Variants in CSMD2 observed in about 807,000 individuals in gnomAD.
CSMD2 encodes the protein CUB and Sushi multiple domains 2.
In CSMD2, 130 loss-of-function variants were observed where a neutral mutation model predicts 398.5. That is an observed-to-expected ratio of 0.33 (90% CI 0.28 to 0.38). CSMD2 has a LOEUF of 0.38. Ranked by LOEUF, CSMD2 falls within the 10% of genes least tolerant of loss-of-function variation. The pLI is 1.00. For synonymous variants in CSMD2, 1,828 were observed against 1,908.5 expected (o/e 0.96, Z 1.10); for missense variants, 3,829 against 4,764.9 (o/e 0.80, Z 5.78).
At chr1:33,606,582 G>C (rs1640627260) in intron 41 of CSMD2, among the ~76,000 whole-genome samples, 1 of 152,234 alleles carries the variant, frequency 6.6e-6, no homozygotes, top group African/African-American at 2.4e-5. Context: ...TGCAGCACGG[G>C]GGTTTGGGCC....
chr1:34,054,947 C>T (rs774362069), intron 2 of CSMD2, among the ~76,000 whole-genome samples: 1 of 151,978 alleles, frequency 6.6e-6, no homozygotes, highest in African/African-American at 2.4e-5. Flanking sequence ...AAGTCATTTT[C>T]AAAAATAAGA....
intron 5 of CSMD2, among the ~76,000 whole-genome samples, chr1:33,888,919 C>T (rs1301267924): frequency 6.6e-6 from 1 of 152,132 alleles, no homozygotes; most frequent in African/African-American, 2.4e-5. Flanking sequence ...AGGCGCCCGC[C>T]ACCACGCCCG....
chr1:33,608,396 A>G (rs919489135), intron 41 of CSMD2, among the ~76,000 whole-genome samples: 1 of 152,162 alleles, frequency 6.6e-6, no homozygotes, highest in African/African-American at 2.4e-5. Context: ...CAATGGTGGC[A>G]CTGCCATTCC....
At chr1:34,076,443 T>C (rs1656339528) in intron 2 of CSMD2, among the ~76,000 whole-genome samples, 1 of 152,210 alleles carries the variant, frequency 6.6e-6, no homozygotes, top group South Asian at 2.1e-4. Context: ...GTGCTGTGCA[T>C]TGTGGGATGA....
rs942975943 is a variant in CSMD2 at position 33,698,738 on chromosome 1, G to C, written c.3925+15C>G. On this transcript the variant is annotated intron_variant, in intron 24 of 70. Coordinates refer to ENST00000373381, the MANE Select transcript of CSMD2 (RefSeq NM_001281956.2). ...GGAGACCCAAGGGTTCCCTGCAGAG[G>C]AAGAGCCCTCCTACCGACACAGGTG... is the stretch of plus-strand genomic sequence containing the variant. 2.5e-6 allele frequency: 4 copies of C among 1,605,418 alleles called. No homozygotes were observed. Among genetic ancestry groups the C allele is most frequent in the Non-Finnish European group, 3.4e-6 (4 of 1,175,260 alleles).
chr1:33,660,593 C>G (rs1335298983), intron 26 of CSMD2, among the ~76,000 whole-genome samples: 3 of 152,200 alleles, frequency 2.0e-5, no homozygotes, highest in African/African-American at 7.2e-5. Flanking sequence ...ATGACAGCAA[C>G]AGGGAAGGTG....
Position 33,726,713 on chromosome 1 carries a change from C to T in CSMD2, c.2369-28G>A, listed in dbSNP as rs372853861. 1.4e-5 allele frequency: 23 copies of T among 1,594,582 alleles called. No homozygotes were observed. In the African/African-American group the frequency reaches 2.8e-4, roughly 20 times the overall value. On this transcript the variant is annotated intron_variant, in intron 15 of 70. Coordinates refer to ENST00000373381, the MANE Select transcript of CSMD2 (RefSeq NM_001281956.2). The stretch of plus-strand genomic sequence containing the variant: ...GGGGGGACAGAAGGAAGAGAGGCAG[C>T]TTTCTTCAGGGACAAATGAGTAAAC...
intron 39 of CSMD2, among the ~76,000 whole-genome samples, chr1:33,615,511 C>G (rs1641326367): frequency 6.6e-6 from 1 of 152,192 alleles, no homozygotes; most frequent in Admixed American, 6.5e-5. Context: ...ACAATCCCAC[C>G]TTCACTTCCG....
chr1:33,537,195 A>T lies in CSMD2; in HGVS notation c.9806-100T>A, dbSNP rs1426370785. On this transcript the variant is annotated intron_variant, in intron 61 of 70. Transcript: ENST00000373381. This position sits in a 1 kb window ranked among gnomAD's most constrained non-coding sequence, Gnocchi z 4.6. The stretch of plus-strand genomic sequence containing the variant: ...GGTGTAGAAAAGAAAATGCGGCCAC[A>T]TCCTGACTTCCCTGCCCACTGAGAT... 2.2e-6 allele frequency: 3 copies of T among 1,360,876 alleles called. No homozygotes were observed. The highest frequency in any genetic ancestry group is 3.1e-6 in the Non-Finnish European group (3 of 960,028). 84.3% of individuals were successfully genotyped at this position (1,360,876 alleles called of 1,614,324 possible).
intron 3 of CSMD2, among the ~76,000 whole-genome samples, chr1:34,027,610 T>C (rs546675187): frequency 6.6e-6 from 1 of 152,370 alleles, no homozygotes; most frequent in South Asian, 2.1e-4. Context: ...ACTGGTTAGA[T>C]AACTATGGTA....
intron 22 of CSMD2, among the ~76,000 whole-genome samples, chr1:33,702,810 TAA>T (rs1384503730): frequency 1.3e-5 from 2 of 152,190 alleles, no homozygotes; most frequent in East Asian, 3.8e-4. Flanking sequence ...AAATGTATGA[TAA>T]ATAAACCAAT....
At chr1:33,700,954 C>T (rs918605089) in intron 22 of CSMD2, among the ~76,000 whole-genome samples, 1 of 152,180 alleles carries the variant, frequency 6.6e-6, no homozygotes, top group Admixed American at 6.5e-5. Context: ...GAGATTTGTT[C>T]TTGTTCCCGC....
intron 13 of CSMD2, among the ~76,000 whole-genome samples, chr1:33,753,247 C>T (rs1338626995): frequency 6.6e-6 from 1 of 152,206 alleles, no homozygotes; most frequent in Admixed American, 6.5e-5. Flanking sequence ...CAGCCTCTCG[C>T]ATCATAGGCC....
chr1:33,789,190 G>A (rs1204721149), intron 11 of CSMD2, among the ~76,000 whole-genome samples: 1 of 152,060 alleles, frequency 6.6e-6, no homozygotes, highest in Non-Finnish European at 1.5e-5. Context: ...TTCTTTCAAT[G>A]AGACATCTCC....
rs575764707 is a variant in CSMD2 at position 33,681,210 on chromosome 1, C to T, written c.4052+11720G>A. On this transcript the variant is annotated intron_variant, in intron 25 of 70. Coordinates refer to ENST00000373381, the MANE Select transcript of CSMD2 (RefSeq NM_001281956.2). ...AAGTGCTGGGATTACAGGCATGAGA[C>T]ACCACGCCTGGCTGTGTTTTATGCT... is the stretch of plus-strand genomic sequence containing the variant. 1.8e-4 allele frequency among the ~76,000 whole-genome samples: 28 copies of T among 152,194 alleles called. No homozygotes were observed. In the South Asian group the frequency reaches 4.1e-3, roughly 23 times the overall value.
At chr1:33,889,796 C>T (rs919061819) in intron 5 of CSMD2, among the ~76,000 whole-genome samples, 5 of 145,380 alleles carry the variant, frequency 3.4e-5, no homozygotes, top group East Asian at 4.0e-4. Flanking sequence ...CATGCGCCAG[C>T]GTGTGTGTGT....
chr1:33,562,796 G>T (rs896277600), intron 53 of CSMD2, among the ~76,000 whole-genome samples: 1 of 152,164 alleles, frequency 6.6e-6, no homozygotes, highest in Admixed American at 6.5e-5. Flanking sequence ...TGAGAGAAAA[G>T]GCAGCCTGCT....
At chr1:33,584,301 C>T (rs1418180880) in intron 46 of CSMD2, among the ~76,000 whole-genome samples, 1 of 152,226 alleles carries the variant, frequency 6.6e-6, no homozygotes, top group African/African-American at 2.4e-5. Context: ...AACAAGTTAT[C>T]TCCTCTCTGT....
intron 62 of CSMD2, among the ~76,000 whole-genome samples, chr1:33,535,951 C>T (rs1481776531): frequency 6.7e-6 from 1 of 149,132 alleles, no homozygotes; most frequent in African/African-American, 2.4e-5. Context: ...GTCTACTGCT[C>T]TCAGAAGCTA....
Sources: gnomAD v4.1 joint callset for allele counts (sites outside exome capture counted in the v4.1 genomes callset) on GRCh38, gnomAD v4.1.1 for gene constraint, Gnocchi (gnomAD v3.1) non-coding constraint, MANE v1.5 for transcripts, NCBI Gene and HGNC (gene_info 2026-07-23, HGNC 2026-07-21) for gene names.